Variants in GPLD1 observed in about 807,000 individuals in gnomAD.
GPLD1 encodes the protein phosphatidylinositol-glycan-specific phospholipase D.
Under a neutral mutation model 112.6 loss-of-function variants are expected in GPLD1, and 84 were observed. The observed-to-expected ratio is 0.75, with a 90% CI of 0.63 to 0.89. The LOEUF is 0.89. Ranked by LOEUF, GPLD1 falls within the 40% of genes least tolerant of loss-of-function variation. The pLI, the probability that GPLD1 is intolerant of heterozygous loss-of-function variation, is 0.00. For missense variants in GPLD1, 1,044 were observed against 1,051.5 expected (o/e 0.99, Z 0.10); for synonymous variants, 386 against 403.8 (o/e 0.96, Z 0.53).
rs1226387367 is a variant in GPLD1, at chr6:24,446,872, A to ACAG, written c.1783_1785dup (p.Leu596dup). The ACAG allele has an allele frequency of 6.2e-7, 1 of 1,613,960 alleles. No homozygotes were observed. The highest frequency in any genetic ancestry group is 1.7e-5 in the Admixed American group (1 of 60,004). On this transcript the variant is annotated inframe_insertion, in exon 18 of 25. Coordinates refer to ENST00000230036, the MANE Select transcript of GPLD1 (RefSeq NM_001503.4). ...TTCTTCCAGGTCGGGCTCCCAACCA[A>ACAG]CAGCAAGGTTCTGTTGTCCACAGTG... is the stretch of plus-strand genomic sequence containing the variant.
chr6:24,480,864 G>A (rs372764205), intron 2 of GPLD1, among the ~76,000 whole-genome samples: 7 of 152,150 alleles, frequency 4.6e-5, no homozygotes, highest in East Asian at 3.8e-4. Flanking sequence ...CCTCCACCAC[G>A]GAGCCCTCGG....
rs1763275795 is a variant in GPLD1, at chr6:24,456,571, G to A, written c.1075C>T (p.Gln359Ter). ...CTGGAGACGTGCTTTTGTGACAACT[G>A]AGAGCCACCTATGAACATTGTCCTT... The part of the protein sequence containing the change: ...NIRTMFIGGS[Q>*]LSQKHVSSPL... The change falls in exon 13 of 25, where the codon CAG becomes TAG. Residue 359 changes from glutamine (Q) to a stop codon, truncating the protein, a stop_gained. Transcript: ENST00000230036. LOFTEE classifies it high-confidence loss of function. 1 of 1,603,436 alleles carries A rather than the reference G, an allele frequency of 6.2e-7. No homozygotes were observed.
chr6:24,485,751 C>A (rs536478762), intron 2 of GPLD1, among the ~76,000 whole-genome samples: 45 of 151,330 alleles, frequency 3.0e-4, no homozygotes, highest in Non-Finnish European at 4.3e-4. Context: ...CTCACCACAA[C>A]CTCCACCTCC....
chr6:24,424,851 G>A (rs1762174381), downstream of GPLD1: 1 of 152,186 alleles, frequency 6.6e-6, no homozygotes, highest in African/African-American at 2.4e-5. Flanking sequence ...AAGTTTAGGA[G>A]TCCATTTTTC....
intron 21 of GPLD1, 78 bp from the exon 22 acceptor site, chr6:24,436,814 T>C: frequency 7.3e-7 from 1 of 1,366,458 alleles, no homozygotes; most frequent in Non-Finnish European, 1.0e-6. Flanking sequence ...TACTGGATCC[T>C]AACCCAACCT....
At chr6:24,437,023 TA>T in intron 21 of GPLD1, 89 bp downstream of exon 21, 1 of 1,180,032 alleles carries the variant, frequency 8.5e-7, no homozygotes, top group Non-Finnish European at 1.2e-6. Context: ...CTGTCAATTA[TA>T]AGGGCAGAGC....
intron 20 of GPLD1, among the ~76,000 whole-genome samples, chr6:24,442,902 A>G (rs1762792913): frequency 6.6e-6 from 1 of 152,150 alleles, no homozygotes. Context: ...ATTGGACTTT[A>G]TCATAGGAAA....
chr6:24,474,668 G>A lies in GPLD1; in HGVS notation c.441+453C>T, dbSNP rs577491431. 5.3e-5 allele frequency among the ~76,000 whole-genome samples: 8 copies of A among 152,288 alleles called. No individual in the cohort carries two copies. In the East Asian group the frequency reaches 1.2e-3, roughly 22 times the overall value. On this transcript the variant is annotated intron_variant, in intron 5 of 24. Transcript: ENST00000230036. ...ATAAAAGGAATGAATTGGACCGGGC[G>A]CGGTGGCTTATGCCTGTTATCCCAG...
rs538558879 is a variant in GPLD1 at position 24,475,014 on chromosome 6, G to T, written c.441+107C>A. On this transcript the variant is annotated intron_variant, in intron 5 of 24. Coordinates refer to ENST00000230036, the MANE Select transcript of GPLD1 (RefSeq NM_001503.4). ...TAACCAAACACTGCTTTGGGCAGAA[G>T]TCTGAATAACCTAACATTTTCCTTT... 74 of 659,326 alleles carry T rather than the reference G, an allele frequency of 1.1e-4. 1 individual carries two copies. Among genetic ancestry groups the T allele is most frequent in the Non-Finnish European group, 1.8e-4 (65 of 359,346 alleles). The allele number at this position is 659,326 out of a possible 1,614,324, so 40.8% of individuals were successfully genotyped here.
chr6:24,449,963 C>T, intron 14 of GPLD1, 64 bp from the exon 15 acceptor site: 1 of 1,169,634 alleles, frequency 8.5e-7, no homozygotes, highest in Non-Finnish European at 1.3e-6. Context: ...CACTCCTGAC[C>T]CCCAGGGAGT....
intron 22 of GPLD1, among the ~76,000 whole-genome samples, chr6:24,435,555 ATTT>A (rs1762542925): frequency 6.6e-6 from 1 of 152,088 alleles, no homozygotes; most frequent in Non-Finnish European, 1.5e-5. Flanking sequence ...TTAAAAAATA[ATTT>A]TAAATTTTTT....
chr6:24,476,132 A>G (rs777613787), intron 4 of GPLD1, 49 bp downstream of exon 4: 18 of 1,005,512 alleles, frequency 1.8e-5, no homozygotes, highest in Non-Finnish European at 2.3e-5. Context: ...AACACAGTGC[A>G]TGGCAGGTTT....
At chr6:24,486,861 G>C (rs918622131) in intron 1 of GPLD1, among the ~76,000 whole-genome samples, 3 of 151,766 alleles carry the variant, frequency 2.0e-5, no homozygotes, top group Non-Finnish European at 4.4e-5. Context: ...TCAGTACTGA[G>C]GCAGACAAAC....
chr6:24,436,851 T>C, intron 21 of GPLD1, 115 bp from the exon 22 acceptor site: 2 of 1,031,736 alleles, frequency 1.9e-6, no homozygotes, highest in Non-Finnish European at 2.8e-6. Context: ...GTATCTCCTT[T>C]AGTCGGCTGT....
intron 3 of GPLD1, among the ~76,000 whole-genome samples, chr6:24,476,946 A>AG (rs1456195825): frequency 2.0e-5 from 3 of 152,106 alleles, no homozygotes; most frequent in Non-Finnish European, 2.9e-5. Flanking sequence ...AAAACTGCCG[A>AG]GTTCAGATCC....
chr6:24,457,994 G>A (rs182705764), intron 12 of GPLD1, among the ~76,000 whole-genome samples: 1 of 152,024 alleles, frequency 6.6e-6, no homozygotes, highest in Non-Finnish European at 1.5e-5. Flanking sequence ...GAATTTGGGG[G>A]ACAACAAGCC....
chr6:24,478,921 C>T (rs536876743), intron 3 of GPLD1, among the ~76,000 whole-genome samples: 7 of 152,228 alleles, frequency 4.6e-5, no homozygotes, highest in African/African-American at 1.2e-4. Context: ...CTGACTGATA[C>T]GACTCATGAG....
intron 1 of GPLD1, chr6:24,494,925 TCCCCGCGAC>T (rs1000370319): frequency 1.5e-4 from 187 of 1,253,588 alleles, no homozygotes; most frequent in Non-Finnish European, 1.8e-4. Flanking sequence ...TCCTCTTGCT[TCCCCGCGAC>T]CCCTGCGTTC....
In GPLD1 at chr6:24,429,084, A is replaced by C. The variant is rs777937280; in HGVS notation, c.2471T>G (p.Leu824Trp). 75 of 1,613,746 alleles carry C rather than the reference A, an allele frequency of 4.6e-5. No individual in the cohort carries two copies. The highest frequency in any genetic ancestry group is 2.3e-4 in the Admixed American group (14 of 59,994). Residue 824 changes from leucine (L) to tryptophan (W), a missense_variant, in exon 25 of 25, where the codon TTG (leucine) becomes TGG (tryptophan). Physicochemically the swap from Leu to Trp is moderately conservative, Grantham distance 61 (BLOSUM62 -2). Coordinates refer to ENST00000230036, the MANE Select transcript of GPLD1 (RefSeq NM_001503.4). ...QVVIAAGRSS[L>W]GARLSGALHV... is the part of the protein sequence containing the mutation. ...AAGTGCCCCGGAGAGTCGGGCTCCC[A>C]AAGAACTCCTTCCAGCAGCAATGAC...
Sources: gnomAD v4.1 joint callset for allele counts (sites outside exome capture counted in the v4.1 genomes callset) on GRCh38, gnomAD v4.1.1 for gene constraint, MANE v1.5 for transcripts, NCBI Gene and HGNC (gene_info 2026-07-23, HGNC 2026-07-21) for gene names.